Variants in DGKD observed in about 807,000 individuals in gnomAD.
DGKD encodes DAG kinase delta.
Under a neutral mutation model 154.4 loss-of-function variants are expected in DGKD, and 68 were observed. The ratio of observed to expected loss-of-function variants is 0.44; its 90% CI spans 0.36 to 0.54. The LOEUF (loss-of-function observed/expected upper bound fraction) is 0.54. DGKD is among the 20% of genes least tolerant of loss of function. DGKD has a pLI of 0.00. For synonymous variants in DGKD, 693 were observed against 638.0 expected (o/e 1.09, Z -1.30); for missense variants, 1,343 against 1,593.6 (o/e 0.84, Z 2.68).
chr2:233,372,773 A>G (rs1295031963), intron 1 of DGKD, among the ~76,000 whole-genome samples: 1 of 152,182 alleles, frequency 6.6e-6, no homozygotes, highest in Non-Finnish European at 1.5e-5. Flanking sequence ...CTGGCAGCAG[A>G]AATGGGTATA....
chr2:233,396,584 T>A (rs1366889946), intron 3 of DGKD, among the ~76,000 whole-genome samples: 1 of 152,272 alleles, frequency 6.6e-6, no homozygotes, highest in South Asian at 2.1e-4. Flanking sequence ...GTGCCTGATA[T>A]GTGGAAGACC....
intron 1 of DGKD, chr2:233,385,873 CT>C: frequency 4.4e-6 from 2 of 450,634 alleles, no homozygotes; most frequent in Non-Finnish European, 4.6e-6. Context: ...TTTCCCCAGC[CT>C]TTTCCGCTGA....
intron 1 of DGKD, among the ~76,000 whole-genome samples, chr2:233,364,419 T>C (rs1314268125): frequency 1.3e-5 from 2 of 152,206 alleles, no homozygotes; most frequent in African/African-American, 2.4e-5. Context: ...ACCAAATGAT[T>C]ATTAACTATA....
chr2:233,408,199 C>T (rs959151675), intron 3 of DGKD, among the ~76,000 whole-genome samples: 9 of 152,134 alleles, frequency 5.9e-5, no homozygotes, highest in African/African-American at 1.9e-4. Context: ...TGTACCACTA[C>T]ACCTGGCAAA....
At chr2:233,381,891 C>G (rs1702923991) in intron 1 of DGKD, among the ~76,000 whole-genome samples, 1 of 152,164 alleles carries the variant, frequency 6.6e-6, no homozygotes, top group African/African-American at 2.4e-5. Flanking sequence ...AGTGTTTGTT[C>G]TGTTAAGAAG....
chr2:233,376,558 C>T (rs1038105953), intron 1 of DGKD, among the ~76,000 whole-genome samples: 10 of 151,938 alleles, frequency 6.6e-5, no homozygotes, highest in African/African-American at 2.4e-4. Flanking sequence ...TCCTGGGCCT[C>T]CCTTAGGAGG....
At chr2:233,360,796 T>C (rs1301443313) in intron 1 of DGKD, among the ~76,000 whole-genome samples, 2 of 152,078 alleles carry the variant, frequency 1.3e-5, no homozygotes, top group South Asian at 2.1e-4. Context: ...GAAAGACATG[T>C]TGGGAAAAAG....
At chr2:233,397,937 TG>T (rs1403150258) in intron 3 of DGKD, among the ~76,000 whole-genome samples, 1 of 151,634 alleles carries the variant, frequency 6.6e-6, no homozygotes, top group Admixed American at 6.6e-5. Context: ...TGTGGGGTGG[TG>T]GGGGAGGCTT....
intron 10 of DGKD, among the ~76,000 whole-genome samples, chr2:233,444,790 G>A (rs750369465): frequency 2.0e-5 from 3 of 151,478 alleles, no homozygotes; most frequent in Non-Finnish European, 2.9e-5. Flanking sequence ...CCTCCACCTG[G>A]TGGGCAGAGG....
chr2:233,469,645 G>C lies in DGKD; in HGVS notation c.*185G>C, dbSNP rs1345930084. On this transcript the variant is annotated 3_prime_UTR_variant, in exon 30 of 30. Coordinates refer to ENST00000264057, the MANE Select transcript of DGKD (RefSeq NM_152879.3). ...AGCCTCCGTGACACCGTCCACCAGA[G>C]CTCTGGGGTCTCGAACATAACAACA... The C allele has an allele frequency of 3.3e-6, 2 of 597,392 alleles. No individual in the cohort carries two copies. The highest frequency in any genetic ancestry group is 6.0e-6 in the Non-Finnish European group (2 of 335,492). The allele number at this position is 597,392 out of a possible 1,614,324, so 37.0% of individuals were successfully genotyped here.
chr2:233,396,929 GGGGGGGCCAGAGC>G (rs1704088048), intron 3 of DGKD, among the ~76,000 whole-genome samples: 1 of 129,308 alleles, frequency 7.7e-6, no homozygotes, highest in African/African-American at 3.0e-5. Context: ...AGCGTGGCTG[GGGGGGGCCAGAGC>G]GAGAGGACAC....
chr2:233,461,834 T>C (rs970869319), intron 24 of DGKD, among the ~76,000 whole-genome samples: 9 of 152,252 alleles, frequency 5.9e-5, no homozygotes, highest in African/African-American at 2.2e-4. Context: ...CATCTCAGCC[T>C]CCCTGGGACC....
At chr2:233,454,983 A>G (rs914127294) in intron 19 of DGKD, 110 bp downstream of exon 19, 3 of 677,352 alleles carry the variant, frequency 4.4e-6, no homozygotes, top group Non-Finnish European at 7.6e-6. Flanking sequence ...CAGAATGCTA[A>G]GGCGGGGGGC....
chr2:233,404,795 A>G (rs1031558665), intron 3 of DGKD, among the ~76,000 whole-genome samples: 2 of 152,272 alleles, frequency 1.3e-5, no homozygotes, highest in East Asian at 1.9e-4. Context: ...GTGAGCAGAC[A>G]TTGGGTGAAC....
intron 1 of DGKD, among the ~76,000 whole-genome samples, chr2:233,355,808 G>T (rs1701509779): frequency 6.6e-6 from 1 of 152,194 alleles, no homozygotes; most frequent in Admixed American, 6.5e-5. Flanking sequence ...CACTTTCTTG[G>T]GTTAGCTTTA....
At chr2:233,386,670 G>C (rs977776015) in intron 1 of DGKD, among the ~76,000 whole-genome samples, 15 of 152,176 alleles carry the variant, frequency 9.9e-5, no homozygotes, top group Non-Finnish European at 2.1e-4. Context: ...ACTGGGGAGA[G>C]GGTGGGTGCC....
chr2:233,378,543 C>T (rs1702714627), intron 1 of DGKD, among the ~76,000 whole-genome samples: 2 of 152,190 alleles, frequency 1.3e-5, no homozygotes, highest in South Asian at 4.1e-4. Context: ...ATCCACTGTG[C>T]TCAGCCTTGT....
intron 1 of DGKD, among the ~76,000 whole-genome samples, chr2:233,383,307 C>G (rs1290513634): frequency 6.6e-6 from 1 of 152,176 alleles, no homozygotes. Flanking sequence ...TTCCAAAGTG[C>G]TGGAATTACA....
intron 3 of DGKD, among the ~76,000 whole-genome samples, chr2:233,434,164 T>C (rs2062616680): frequency 6.6e-6 from 1 of 152,262 alleles, no homozygotes; most frequent in Non-Finnish European, 1.5e-5. Context: ...CTGATGAATA[T>C]ATAAAAACTA....
Sources: allele counts gnomAD v4.1 joint callset (sites outside exome capture counted in the v4.1 genomes callset), GRCh38; gene constraint gnomAD v4.1.1; transcripts MANE v1.5; gene names NCBI Gene and HGNC (gene_info 2026-07-23, HGNC 2026-07-21).